The following FCRL4 variants were observed in gnomAD, a reference collection of about 807,000 sequenced individuals.
The protein encoded by FCRL4 is Fc receptor-like protein 4.
A neutral mutation model predicts 64.1 loss-of-function variants in FCRL4; 43 were observed. That is an observed-to-expected ratio of 0.67 (90% confidence interval 0.53 to 0.87). The LOEUF (loss-of-function observed/expected upper bound fraction) is 0.87. Among genes scored for constraint, FCRL4 ranks in the 40% least tolerant of loss-of-function variants. FCRL4 has a pLI of 0.00. For missense variants in FCRL4, 656 were observed against 613.5 expected (o/e 1.07, Z -0.73); for synonymous variants, 253 against 239.8 (o/e 1.05, Z -0.51).
At chr1:157,591,620 T>G (rs1007334304) in intron 2 of FCRL4, among the ~76,000 whole-genome samples, 3 of 152,116 alleles carry the variant, frequency 2.0e-5, no homozygotes, top group African/African-American at 7.2e-5. Context: ...GGGAGGTAGG[T>G]GCTCCTAACT....
Position 157,578,799 on chromosome 1 carries a change from T to TGGGCA in FCRL4, c.1326_1330dup (p.Gln444LeufsTer43). ...AACATACAACGACTGAAGCTCCACC[T>TGGGCA]GGGCAGGGCAGATGGAATGGGAGGA... On this transcript the variant is annotated frameshift_variant, in exon 9 of 12. Transcript: ENST00000271532. LOFTEE classifies it high-confidence loss of function. The TGGGCA allele has an allele frequency of 6.2e-7, 1 of 1,613,928 alleles. No individual in the cohort carries two copies. Among genetic ancestry groups the TGGGCA allele is most frequent in the East Asian group, 2.2e-5 (1 of 44,848 alleles).
intron 6 of FCRL4, among the ~76,000 whole-genome samples, chr1:157,582,449 G>T (rs1343106141): frequency 2.0e-5 from 3 of 152,100 alleles, no homozygotes; most frequent in African/African-American, 7.2e-5. Flanking sequence ...GTAGTGATGC[G>T]CTAAAGAGCA....
rs1652731385 is a variant in FCRL4 at position 157,587,578 on chromosome 1, G to A, written c.563-18C>T. 6.2e-7 allele frequency: 1 copy of A among 1,608,984 alleles called. No individual in the cohort carries two copies. The highest frequency in any genetic ancestry group is 1.3e-5 in the African/African-American group (1 of 74,856). ...AAATAGTTCTAGAGAGAAGAGGTAA[G>A]TCAAGTTCTGAGCACGAGAGTATTT... On this transcript the variant is annotated intron_variant, in intron 4 of 11. Coordinates refer to ENST00000271532, the MANE Select transcript of FCRL4 (RefSeq NM_031282.3).
chr1:157,598,033 AC>A lies in FCRL4; in HGVS notation c.-90del. ...CAAAGCAGCACTTGCCTACACCAGC[AC>A]CAGCAGTGAGCTCAGTAAGCTTCTT... On this transcript the variant is annotated 5_prime_UTR_variant, in exon 1 of 12. An upstream open reading frame in the 5' UTR loses its in-frame stop. Coordinates refer to ENST00000271532, the MANE Select transcript of FCRL4 (RefSeq NM_031282.3). The A allele has an allele frequency of 1.1e-6, 1 of 893,696 alleles. No homozygotes were observed. Among genetic ancestry groups the A allele is most frequent in the Non-Finnish European group, 1.9e-6 (1 of 535,730 alleles). 55.4% of individuals were successfully genotyped at this position (893,696 alleles called of 1,614,324 possible).
At position 157,574,549 on chromosome 1, in the gene FCRL4, C is replaced by G. The variant is rs1652357708; in HGVS notation, c.*975G>C. On this transcript the variant is annotated 3_prime_UTR_variant, in exon 12 of 12. Coordinates refer to ENST00000271532, the MANE Select transcript of FCRL4 (RefSeq NM_031282.3). ...TCTTTTATTCCTTCTTCATTTATTG[C>G]AAGAATTATTCTCATATAAACTAAT... 1 of 205,940 alleles carries G rather than the reference C, an allele frequency of 4.9e-6. No homozygotes were observed. The highest frequency in any genetic ancestry group is 1.9e-4 in the South Asian group (1 of 5,298). 12.8% of individuals were successfully genotyped at this position (205,940 alleles called of 1,614,324 possible). A position where few individuals can be genotyped will look rare whatever the true frequency, so the allele number is the denominator to read the frequency against.
chr1:157,588,161 C>T, intron 3 of FCRL4, 42 bp from the exon 4 acceptor site: 3 of 1,552,598 alleles, frequency 1.9e-6, no homozygotes, highest in Non-Finnish European at 2.6e-6. Context: ...CAAAGCATTC[C>T]TGCTATCTCC....
At chr1:157,592,628 A>C (rs1302739330) in intron 2 of FCRL4, among the ~76,000 whole-genome samples, 1 of 152,244 alleles carries the variant, frequency 6.6e-6, no homozygotes, top group East Asian at 1.9e-4. Flanking sequence ...AGGCTTTTAC[A>C]CTGTTGGTGG....
intron 8 of FCRL4, among the ~76,000 whole-genome samples, chr1:157,579,682 A>G (rs1652512032): frequency 6.6e-6 from 1 of 150,726 alleles, no homozygotes; most frequent in Middle Eastern, 3.4e-3. Flanking sequence ...GTGCCACTGC[A>G]CTCCAGCCTG....
intron 3 of FCRL4, among the ~76,000 whole-genome samples, chr1:157,588,710 T>C (rs1378272726): frequency 6.6e-6 from 1 of 152,228 alleles, no homozygotes; most frequent in Non-Finnish European, 1.5e-5. Flanking sequence ...CCAAAATCAT[T>C]ATCCATCAGG....
chr1:157,588,083 TCAAA>T lies in FCRL4; in HGVS notation c.340_343del (p.Phe114LysfsTer7). On this transcript the variant is annotated frameshift_variant, in exon 4 of 12. Coordinates refer to ENST00000271532, the MANE Select transcript of FCRL4 (RefSeq NM_031282.3). LOFTEE classifies it high-confidence loss of function. Reference sequence around the variant, plus strand: ...GCATCTCAGAACCAATGTGTCACCTTCAAACACAGAATATGGTGCCTGCAGGATT... The same window carrying T: ...GCATCTCAGAACCAATGTGTCACCTTCACAGAATATGGTGCCTGCAGGATT... 2 of 1,613,852 alleles carry T rather than the reference TCAAA, an allele frequency of 1.2e-6. No individual in the cohort carries two copies. Among genetic ancestry groups the T allele is most frequent in the Non-Finnish European group, 1.7e-6 (2 of 1,179,930 alleles).
In FCRL4 at chr1:157,586,353, CCT is replaced by C; in HGVS notation, c.948_949del (p.Asp318TyrfsTer135). 6.2e-7 allele frequency: 1 copy of C among 1,613,736 alleles called. No individual in the cohort carries two copies. The highest frequency in any genetic ancestry group is 8.5e-7 in the Non-Finnish European group (1 of 1,180,008). On this transcript the variant is annotated frameshift_variant, in exon 6 of 12. Coordinates refer to ENST00000271532, the MANE Select transcript of FCRL4 (RefSeq NM_031282.3). LOFTEE classifies it high-confidence loss of function. ...TCGGTGCCAGGAGAATGTGGTATCC[CCT>C]GTGCCTTCAGCCACGGAGCAGACAA...
chr1:157,587,277 C>T lies in FCRL4; in HGVS notation c.846G>A (p.Gln282=). The change falls in exon 5 of 12, where the codon CAG becomes CAA. Residue 282 remains glutamine (Q), a splice_region_variant and synonymous_variant. Transcript: ENST00000271532. ...KHSPSLQIHV[Q]RIPVSGVLLE... is the part of the protein sequence containing the mutation. ...GATGCCTGGCTCTCCAACACTCACG[C>T]TGCACATGGATCTGTAGCGAGGGAC... is the stretch of plus-strand genomic sequence containing the variant. 6.2e-7 allele frequency: 1 copy of T among 1,612,580 alleles called. No homozygotes were observed. Among genetic ancestry groups the T allele is most frequent in the Non-Finnish European group, 8.5e-7 (1 of 1,178,742 alleles).
rs146153860 is a variant in FCRL4 at position 157,581,546 on chromosome 1, G to C, written c.1234C>G (p.Arg412Gly). Residue 412 changes from arginine to glycine, a missense_variant, in exon 7 of 12, where the codon CGT becomes GGT. Physicochemically the swap from Arg to Gly is moderately radical, Grantham distance 125. Transcript: ENST00000271532. The part of the protein sequence containing the change: ...LAVALLFHCW[R>G]RRKSGVGFLG... ...GAGCACAAACCTGACTTCCTCCGAC[G>C]CCAGCAGTGAAACAGCAGGGCCACA... 1 of 1,613,878 alleles carries C rather than the reference G, an allele frequency of 6.2e-7. No individual in the cohort carries two copies. Among genetic ancestry groups the C allele is most frequent in the East Asian group, 2.2e-5 (1 of 44,872 alleles).
chr1:157,591,875 T>C (rs1652846487), intron 2 of FCRL4, among the ~76,000 whole-genome samples: 2 of 152,216 alleles, frequency 1.3e-5, no homozygotes, highest in Admixed American at 1.3e-4. Context: ...CAAAACAGCA[T>C]GGTACTGGTA....
intron 2 of FCRL4, among the ~76,000 whole-genome samples, chr1:157,592,751 A>G (rs1264655990): frequency 6.6e-6 from 1 of 152,250 alleles, no homozygotes; most frequent in Non-Finnish European, 1.5e-5. Context: ...TACCCAAAGG[A>G]TTATAAATCA....
intron 1 of FCRL4, 109 bp downstream of exon 1, chr1:157,597,805 G>A (rs1653000036): frequency 2.6e-6 from 2 of 770,688 alleles, no homozygotes; most frequent in Non-Finnish European, 4.4e-6. Flanking sequence ...ATTTTCTGCT[G>A]TTCTAAAATG....
intron 8 of FCRL4, among the ~76,000 whole-genome samples, chr1:157,579,758 T>C (rs1407157249): frequency 7.1e-6 from 1 of 141,400 alleles, no homozygotes; most frequent in Non-Finnish European, 1.6e-5. Flanking sequence ...ATAAAATGTC[T>C]TTACATTGTA....
intron 3 of FCRL4, 135 bp downstream of exon 3, chr1:157,589,069 G>A: frequency 1.0e-6 from 1 of 982,684 alleles, no homozygotes; most frequent in Non-Finnish European, 1.5e-6. Context: ...AGACATTGGA[G>A]GGAAAATATG....
intron 6 of FCRL4, among the ~76,000 whole-genome samples, chr1:157,582,431 C>G (rs1044758382): frequency 1.3e-5 from 2 of 152,060 alleles, no homozygotes; most frequent in Non-Finnish European, 2.9e-5. Context: ...AAATTTATAC[C>G]GTGCCCTGTA....
Sources: allele counts gnomAD v4.1 joint callset (sites outside exome capture counted in the v4.1 genomes callset), GRCh38; gene constraint gnomAD v4.1.1; transcripts MANE v1.5; gene names NCBI Gene and HGNC (gene_info 2026-07-23, HGNC 2026-07-21).